Variants in DNAH1 observed in about 807,000 individuals in gnomAD.
DNAH1 encodes axonemal beta dynein heavy chain 1.
DNAH1 carries 327 observed loss-of-function variants against 484.3 expected under a neutral mutation model. The observed-to-expected ratio is 0.68, with a 90% CI of 0.62 to 0.74. The LOEUF (loss-of-function observed/expected upper bound fraction) is 0.74, where lower values mean the gene tolerates loss of function less well. DNAH1 is among the 30% of genes least tolerant of loss of function. The pLI, the probability that DNAH1 is intolerant of heterozygous loss-of-function variation, is 0.00. For missense variants in DNAH1, 5,052 were observed against 5,546.8 expected (o/e 0.91, Z 2.83); for synonymous variants, 2,192 against 2,191.9 (o/e 1.00, Z 0.00).
chr3:52,392,374 A>T, intron 63 of DNAH1, 90 bp from the exon 64 acceptor site: 1 of 1,226,372 alleles, frequency 8.2e-7, no homozygotes, highest in Non-Finnish European at 1.2e-6. Flanking sequence ...TTGGAGCCCC[A>T]GAAGCACAGG....
At chr3:52,397,114 T>A in intron 73 of DNAH1, 70 bp downstream of exon 73, 2 of 1,406,504 alleles carry the variant, frequency 1.4e-6, no homozygotes, top group Non-Finnish European at 1.9e-6. Flanking sequence ...CATGAGCACC[T>A]TGGTGCTGGG....
rs944392267 is a variant in DNAH1, at chr3:52,368,924, C to T, written c.5943+6C>T. On this transcript the variant is annotated splice_donor_region_variant and intron_variant, in intron 37 of 77. Transcript: ENST00000420323. The surrounding 1 kb of genome is among the most constrained non-coding windows in gnomAD (Gnocchi z 4.4). ...AGATCATCAAGCTCACAGAGGTGCA[C>T]CTACCTGTCCACCTGCCCACTCTCC... 8.1e-6 allele frequency: 13 copies of T among 1,609,286 alleles called. No individual in the cohort carries two copies. Among genetic ancestry groups the T allele is most frequent in the Middle Eastern group, 1.7e-4 (1 of 6,048 alleles).
intron 6 of DNAH1, among the ~76,000 whole-genome samples, chr3:52,329,702 G>A (rs1372030665): frequency 5.9e-5 from 9 of 152,144 alleles, no homozygotes; most frequent in Admixed American, 3.9e-4. Flanking sequence ...GTGTGCACCT[G>A]TAATCCCAGC....
Position 52,388,533 on chromosome 3 carries a change from G to A in DNAH1, c.9287G>A (p.Arg3096Gln), listed in dbSNP as rs750422567. Residue 3096 changes from arginine (R) to glutamine (Q), a missense_variant, in exon 58 of 78, where the codon CGG becomes CAG. Physicochemically the swap from Arg to Gln is conservative, Grantham distance 43. Around this residue, in one of 4 missense-constraint regions of DNAH1, gnomAD observed 2,929 missense variants for 3,409.4 expected, o/e 0.86. Coordinates refer to ENST00000420323, the MANE Select transcript of DNAH1 (RefSeq NM_015512.5). ...DGIATMQAKY[R>Q]ECITKKEELE... ...ATCGCCACAATGCAGGCTAAGTACC[G>A]GGAATGCATTACCAAGAAGGAGGAG... 158 of 1,612,828 alleles carry A rather than the reference G, an allele frequency of 9.8e-5. No homozygotes were observed. Among genetic ancestry groups the A allele is most frequent in the African/African-American group, 1.3e-4 (10 of 74,930 alleles).
Position 52,350,112 on chromosome 3 carries a change from AGGCAGGCACACGGGCACTG to A in DNAH1, c.2646+7_2646+25del. On this transcript the variant is annotated splice_donor_5th_base_variant and intron_variant, in intron 15 of 77. Coordinates refer to ENST00000420323, the MANE Select transcript of DNAH1 (RefSeq NM_015512.5). ...GGAGAGGCTGGTGGGCCTGGAGGTG[AGGCAGGCACACGGGCACTG>A]GGGCCAGGGAGGCACAGGGCTGGTG... The A allele has an allele frequency of 6.2e-7, 1 of 1,609,992 alleles. No individual in the cohort carries two copies.
chr3:52,345,777 G>T (rs1353196704), intron 10 of DNAH1, 71 bp downstream of exon 10: 26 of 1,487,230 alleles, frequency 1.7e-5, no homozygotes, highest in Admixed American at 8.0e-5. Flanking sequence ...ACAGGTCGGG[G>T]CTGCAGCGGA....
At chr3:52,359,472 T>C in intron 26 of DNAH1, 86 bp downstream of exon 26, 1 of 1,507,358 alleles carries the variant, frequency 6.6e-7, no homozygotes, top group South Asian at 1.3e-5. Context: ...CTTTCTCCTA[T>C]AGTGAGCCTG....
rs1559581053 is a variant in DNAH1, at chr3:52,400,338, C to G, written c.12690C>G (p.Thr4230=). 1.2e-6 allele frequency: 2 copies of G among 1,614,016 alleles called. No individual in the cohort carries two copies. The highest frequency in any genetic ancestry group is 1.7e-6 in the Non-Finnish European group (2 of 1,179,890). Residue 4230 remains threonine (T), a synonymous_variant, in exon 78 of 78, where the codon ACC becomes ACG. Transcript: ENST00000420323. Reference sequence around the variant, plus strand: ...TGCCCATTCCAGGAACACTATCAACCACAGGACACTCTACCAACTATGTCA... The same window carrying G: ...TGCCCATTCCAGGAACACTATCAACGACAGGACACTCTACCAACTATGTCA... ...KTLTRAGTLS[T]TGHSTNYVIA...
At chr3:52,389,625 G>A in intron 60 of DNAH1, 39 bp downstream of exon 60, 1 of 1,382,114 alleles carries the variant, frequency 7.2e-7, no homozygotes, top group African/African-American at 1.5e-5. Flanking sequence ...GGCAGGGCCT[G>A]TGGTGTGGTC....
In DNAH1 at chr3:52,373,842, G is replaced by A. The variant is rs764429194; in HGVS notation, c.6985+789G>A. Reference sequence around the variant, plus strand: ...GATCACAGAGCCTGTTTACCCAGAAGTAGTCCATATGTTTGCAGTTAACAT... The same window carrying A: ...GATCACAGAGCCTGTTTACCCAGAAATAGTCCATATGTTTGCAGTTAACAT... On this transcript the variant is annotated intron_variant, in intron 44 of 77. Coordinates refer to ENST00000420323, the MANE Select transcript of DNAH1 (RefSeq NM_015512.5). 379 of 1,413,004 alleles carry A rather than the reference G, an allele frequency of 2.7e-4. 1 individual carries two copies. Among genetic ancestry groups the A allele is most frequent in the Middle Eastern group, 8.8e-4 (5 of 5,658 alleles). The allele number at this position is 1,413,004 out of a possible 1,614,324, so 87.5% of individuals were successfully genotyped here.
Position 52,347,845 on chromosome 3 carries a change from C to A in DNAH1, c.1977C>A (p.Phe659Leu). 1 of 1,596,470 alleles carries A rather than the reference C, an allele frequency of 6.3e-7. No individual in the cohort carries two copies. Among genetic ancestry groups the A allele is most frequent in the Non-Finnish European group, 8.5e-7 (1 of 1,170,750 alleles). Residue 659 changes from phenylalanine (F) to leucine (L), a missense_variant, in exon 12 of 78, where the codon TTC (phenylalanine) becomes TTA (leucine). Physicochemically the swap from Phe to Leu is conservative, Grantham distance 22. Transcript: ENST00000420323. ...GCAGGCCCCGGAAGAATCCCCTGTT[C>A]ATCATGGACCTGGTGCTGGACAGCT... ...SPYRPRKNPL[F>L]IMDLVLDSSG...
At chr3:52,391,094 A>G in intron 61 of DNAH1, 40 bp downstream of exon 61, 1 of 1,594,976 alleles carries the variant, frequency 6.3e-7, no homozygotes. Flanking sequence ...CACCCCAGCC[A>G]GGCATAGCAA....
Position 52,388,809 on chromosome 3 carries a change from A to G in DNAH1, c.9367A>G (p.Ile3123Val). 1 of 1,613,454 alleles carries G rather than the reference A, an allele frequency of 6.2e-7. No homozygotes were observed. The highest frequency in any genetic ancestry group is 8.5e-7 in the Non-Finnish European group (1 of 1,179,830). ...CCCCACGGGGCTGCCCCTCCAGCTC[A>G]TCAACGGGCTGTCGGATGAGAAGGT... ...EQRLGRAGKL[I>V]NGLSDEKVRW... is the part of the protein sequence containing the mutation. Residue 3123 changes from isoleucine to valine, a missense_variant, in exon 59 of 78, where the codon ATC becomes GTC. Physicochemically the swap from Ile to Val is conservative, Grantham distance 29. Coordinates refer to ENST00000420323, the MANE Select transcript of DNAH1 (RefSeq NM_015512.5).
In DNAH1 at chr3:52,364,939, A is replaced by C. The variant is rs1398514894; in HGVS notation, c.5438A>C (p.Lys1813Thr). 6.2e-7 allele frequency: 1 copy of C among 1,613,936 alleles called. No homozygotes were observed. Among genetic ancestry groups the C allele is most frequent in the Non-Finnish European group, 8.5e-7 (1 of 1,179,862 alleles). The part of the protein sequence containing the change: ...GIVSDLFPTI[K>T]EEDTDYGILD... ...GTGTCCGACCTGTTTCCCACCATCA[A>C]GGAGGAGGACACGGACTACGGCATC... Residue 1813 changes from lysine (K) to threonine (T), a missense_variant, in exon 34 of 78, where the codon AAG becomes ACG. Physicochemically the swap from Lys to Thr is moderately conservative, Grantham distance 78. Coordinates refer to ENST00000420323, the MANE Select transcript of DNAH1 (RefSeq NM_015512.5). This position sits in a 1 kb window ranked among gnomAD's most constrained non-coding sequence, Gnocchi z 4.2.
Position 52,392,508 on chromosome 3 carries a change from G to A in DNAH1, c.10097G>A (p.Arg3366Gln), listed in dbSNP as rs757964126. The A allele has an allele frequency of 6.2e-6, 10 of 1,613,770 alleles. No individual in the cohort carries two copies. The highest frequency in any genetic ancestry group is 2.2e-5 in the East Asian group (1 of 44,904). ...CTGGGCCAGGTAGTGGCAGAGGAGC[G>A]ACCCGACCTGGAGGAGGCCAAGAAC... ...QLLGQVVAEERPDLEEAKNQL... is the reference protein window; with the variant it reads ...QLLGQVVAEEQPDLEEAKNQL... Residue 3366 changes from arginine (R) to glutamine (Q), a missense_variant, in exon 64 of 78, where the codon CGA becomes CAA. Arg to Gln is a conservative substitution (Grantham distance 43, BLOSUM62 1). Around this residue, in one of 4 missense-constraint regions of DNAH1, gnomAD observed 2,929 missense variants for 3,409.4 expected, o/e 0.86. Coordinates refer to ENST00000420323, the MANE Select transcript of DNAH1 (RefSeq NM_015512.5).
At chr3:52,385,112 C>G (rs1215053535) in intron 53 of DNAH1, 135 bp downstream of exon 53, 3 of 1,191,262 alleles carry the variant, frequency 2.5e-6, no homozygotes, top group Non-Finnish European at 2.3e-6. Flanking sequence ...TGGCTTCCCC[C>G]CTCATCAAAA....
upstream of DNAH1, among the ~76,000 whole-genome samples, chr3:52,311,538 A>G (rs1208092162): frequency 1.3e-5 from 2 of 152,110 alleles, no homozygotes. Flanking sequence ...GCAGGGGGAA[A>G]TGCCAGCAAA....
Position 52,357,724 on chromosome 3 carries a change from C to G in DNAH1, c.3969C>G (p.Ser1323Arg). ...GCGAGTATCTGGAGACCAAGAGGAG[C>G]GCCTTCCCCAGGTGGGCGCCACCTG... Reference protein sequence around the residue: ...GLSEYLETKRSAFPRFYFLSD... With the variant: ...GLSEYLETKRRAFPRFYFLSD... Residue 1323 changes from serine to arginine, a missense_variant, in exon 23 of 78, where the codon AGC becomes AGG. Ser to Arg is a moderately radical substitution (Grantham distance 110). This residue lies in a region of DNAH1 where 2,929 missense variants were observed against 3,409.4 expected (regional missense o/e 0.86). Coordinates refer to ENST00000420323, the MANE Select transcript of DNAH1 (RefSeq NM_015512.5). The G allele has an allele frequency of 6.3e-7, 1 of 1,578,644 alleles. No individual in the cohort carries two copies. Among genetic ancestry groups the G allele is most frequent in the East Asian group, 2.3e-5 (1 of 42,986 alleles).
At chr3:52,352,978 G>A (rs1236450535) in intron 18 of DNAH1, 125 bp from the exon 19 acceptor site, 6 of 1,066,960 alleles carry the variant, frequency 5.6e-6, no homozygotes, top group Non-Finnish European at 7.9e-6. Context: ...GTGTTTGGGG[G>A]CACGGTCAGG....
Sources: allele counts gnomAD v4.1 joint callset (sites outside exome capture counted in the v4.1 genomes callset), GRCh38; gene constraint gnomAD v4.1.1; regional missense constraint gnomAD v4.1.1; non-coding constraint Gnocchi (gnomAD v3.1); transcripts MANE v1.5; gene names NCBI Gene and HGNC (gene_info 2026-07-23, HGNC 2026-07-21).